Variants in PHEX observed in about 807,000 individuals in gnomAD.
PHEX encodes the protein phosphate-regulating neutral endopeptidase PHEX.
A neutral mutation model predicts 68.0 loss-of-function variants in PHEX; 16 were observed. That is an observed-to-expected ratio of 0.24 (90% CI 0.16 to 0.36). PHEX has a LOEUF of 0.36. Ranked by LOEUF, PHEX falls within the 10% of genes least tolerant of loss-of-function variation. PHEX has a pLI of 1.00. For missense variants in PHEX, 480 were observed against 575.5 expected (o/e 0.83, Z 1.70); for synonymous variants, 208 against 205.1 (o/e 1.01, Z -0.12).
intron 12 of PHEX, among the ~76,000 whole-genome samples, chrX:22,165,652 A>G (rs1933289048): frequency 8.9e-6 from 1 of 111,795 alleles, no homozygotes; most frequent in South Asian, 3.7e-4. Flanking sequence ...AAGAAAAAAC[A>G]TAGATGCTGG....
chrX:22,053,001 T>G (rs1463466482), intron 3 of PHEX, among the ~76,000 whole-genome samples: 2 of 111,551 alleles, frequency 1.8e-5, no homozygotes, highest in East Asian at 5.6e-4. Context: ...ACCCATATCA[T>G]AGGGATTTTG....
intron 20 of PHEX, among the ~76,000 whole-genome samples, chrX:22,244,597 A>T (rs186974273): frequency 1.5e-4 from 17 of 111,074 alleles, no homozygotes; most frequent in African/African-American, 5.6e-4. Flanking sequence ...GCGAGACTCC[A>T]TGTCAAACCA....
intron 9 of PHEX, among the ~76,000 whole-genome samples, chrX:22,110,825 T>C (rs2147061211): frequency 8.9e-6 from 1 of 112,485 alleles, no homozygotes; most frequent in South Asian, 3.7e-4. Context: ...GGGTTGCAGG[T>C]GCTGGAGCCT....
At chrX:22,079,813 T>C (rs1389813072) in intron 5 of PHEX, among the ~76,000 whole-genome samples, 9 of 110,654 alleles carry the variant, frequency 8.1e-5, no homozygotes, top group African/African-American at 3.0e-4. Context: ...ATGAAAGTTC[T>C]TGTTTATAGG....
At chrX:22,087,862 A>T (rs1378138557) in intron 5 of PHEX, among the ~76,000 whole-genome samples, 2 of 112,300 alleles carry the variant, frequency 1.8e-5, no homozygotes, top group Non-Finnish European at 3.8e-5. Flanking sequence ...GATATTCAAG[A>T]AAGAACAAAC....
chrX:22,049,403 C>T (rs996699249), intron 3 of PHEX, among the ~76,000 whole-genome samples: 2 of 110,959 alleles, frequency 1.8e-5, no homozygotes, highest in African/African-American at 6.5e-5. Context: ...CATGAGCCAC[C>T]GCGCCTGGCC....
chrX:22,146,874 C>T (rs968609698), intron 12 of PHEX, among the ~76,000 whole-genome samples: 2 of 109,866 alleles, frequency 1.8e-5, no homozygotes, highest in African/African-American at 3.3e-5. Context: ...AAATAAAAGA[C>T]GAAACTTGGA....
At chrX:22,046,186 T>G (rs113378435) in intron 2 of PHEX, among the ~76,000 whole-genome samples, 2,959 of 111,926 alleles carry the variant, frequency 0.026, 97 homozygotes, top group African/African-American at 0.089. Context: ...TCTCTATGTG[T>G]CCTCTTGTCC....
At chrX:22,188,374 T>A (rs1367572235) in intron 14 of PHEX, among the ~76,000 whole-genome samples, 1 of 111,958 alleles carries the variant, frequency 8.9e-6, no homozygotes, top group Non-Finnish European at 1.9e-5. Context: ...CCTAGGAGTT[T>A]ATTTTTAGCA....
intron 20 of PHEX, among the ~76,000 whole-genome samples, chrX:22,241,064 A>AT (rs1936174190): frequency 9.0e-6 from 1 of 111,533 alleles, no homozygotes; most frequent in Non-Finnish European, 1.9e-5. Context: ...AATGAAAATC[A>AT]TAACAAACAG....
chrX:22,156,332 A>G (rs1446144982), intron 12 of PHEX, among the ~76,000 whole-genome samples: 2 of 109,946 alleles, frequency 1.8e-5, no homozygotes, highest in African/African-American at 6.6e-5. Context: ...CCCCGGTGAG[A>G]GGAGTTATTT....
rs1932415214 is a variant in PHEX at position 22,140,593 on chromosome X, T to C, written c.1404+6969T>C. ...GCCTCCCGGGTTCAAGTGATTCTCC[T>C]GTCTCAGCCTCCCGAGTAGCTGGGA... On this transcript the variant is annotated intron_variant, in intron 12 of 21. Transcript: ENST00000379374. 3.6e-5 allele frequency among the ~76,000 whole-genome samples: 4 copies of C among 111,264 alleles called. No individual in the cohort carries two copies. In the Admixed American group the frequency reaches 3.8e-4, roughly 11 times the overall value.
intron 1 of PHEX, 34 bp downstream of exon 1, chrX:22,033,157 T>C (rs753106927): frequency 2.0e-6 from 2 of 1,018,896 alleles, no homozygotes; most frequent in Non-Finnish European, 2.8e-6. Flanking sequence ...GGGAACTGGG[T>C]GTGTGTCGAG....
chrX:22,113,943 C>CTTTTTTTTTTTTTTTTTTTT (rs746349559), intron 10 of PHEX, among the ~76,000 whole-genome samples: 2 of 63,980 alleles, frequency 3.1e-5, no homozygotes, highest in Admixed American at 2.0e-4. Context: ...TCTTCTTCTT[C>CTTTTTTTTTTTTTTTTTTTT]TTTTTTTTTT....
intron 12 of PHEX, among the ~76,000 whole-genome samples, chrX:22,153,190 T>C (rs1365624524): frequency 2.7e-5 from 3 of 111,203 alleles, no homozygotes; most frequent in Non-Finnish European, 5.7e-5. Context: ...TGTCTCCCTA[T>C]GTTGCCCAGG....
intron 15 of PHEX, among the ~76,000 whole-genome samples, chrX:22,192,946 C>T (rs1934249900): frequency 9.0e-6 from 1 of 110,775 alleles, no homozygotes; most frequent in East Asian, 2.9e-4. Flanking sequence ...GAGAAATGAA[C>T]AGAAAGACGA....
At chrX:22,046,945 C>A in intron 2 of PHEX, 105 bp from the exon 3 acceptor site, 1 of 684,280 alleles carries the variant, frequency 1.5e-6, no homozygotes, top group Non-Finnish European at 2.3e-6. Flanking sequence ...ATATAAATGC[C>A]AAGGCTTGGA....
At chrX:22,060,887 T>A (rs1308337538) in intron 3 of PHEX, among the ~76,000 whole-genome samples, 2 of 111,925 alleles carry the variant, frequency 1.8e-5, no homozygotes, top group Admixed American at 1.9e-4. Context: ...TATTTTACTT[T>A]GCAGTTGTTC....
intron 15 of PHEX, among the ~76,000 whole-genome samples, chrX:22,197,583 C>T (rs1304208071): frequency 9.0e-6 from 1 of 110,932 alleles, no homozygotes; most frequent in Admixed American, 9.7e-5. Context: ...GCCAAGCTTT[C>T]AGATGACCGT....
Sources: gnomAD v4.1 joint callset for allele counts (sites outside exome capture counted in the v4.1 genomes callset) on GRCh38, gnomAD v4.1.1 for gene constraint, MANE v1.5 for transcripts, NCBI Gene and HGNC (gene_info 2026-07-23, HGNC 2026-07-21) for gene names.